The following KCNH7 variants were observed in gnomAD, a reference collection of about 807,000 sequenced individuals.
The protein encoded by KCNH7 is potassium voltage-gated channel subfamily H member 7.
A neutral mutation model predicts 120.8 loss-of-function variants in KCNH7; 49 were observed. That is an observed-to-expected ratio of 0.41 (90% confidence interval 0.32 to 0.51). The LOEUF (loss-of-function observed/expected upper bound fraction) is 0.51, where lower values mean the gene tolerates loss of function less well. KCNH7 is among the 20% of genes least tolerant of loss of function. The pLI, the probability that KCNH7 is intolerant of heterozygous loss-of-function variation, is 0.38. For missense variants in KCNH7, 1,097 were observed against 1,446.6 expected (o/e 0.76, Z 3.92); for synonymous variants, 547 against 516.1 (o/e 1.06, Z -0.81).
At position 162,420,982 on chromosome 2, in the gene KCNH7, C is replaced by T. The variant is rs190355788; in HGVS notation, c.2154+2354G>A. ...TCTCAATAGTCTAAGGCTACAGTTG[C>T]TTTTTCTCTAATCAACTTTGTTTCA... On this transcript the variant is annotated intron_variant, in intron 9 of 15. Transcript: ENST00000332142. Among the ~76,000 whole-genome samples, 192 of 152,034 alleles carry T rather than the reference C, an allele frequency of 1.3e-3. 1 individual carries two copies. Among genetic ancestry groups the T allele is most frequent in the African/African-American group, 4.3e-3 (179 of 41,466 alleles).
chr2:162,493,551 G>C (rs1690396938), intron 6 of KCNH7, among the ~76,000 whole-genome samples: 1 of 152,148 alleles, frequency 6.6e-6, no homozygotes, highest in Admixed American at 6.5e-5. Flanking sequence ...TTTGAGAACT[G>C]CTCAACTTGC....
chr2:162,384,755 G>T lies in KCNH7; in HGVS notation c.2895C>A (p.Leu965=). The change falls in exon 13 of 16, where the codon CTC becomes CTA. Residue 965 remains leucine, a synonymous_variant. Transcript: ENST00000332142. ...AGGTGGGCACTGTTTCTTCAAAATC[G>T]AGCCCAGATGCTTTCCCTATTCCTG... ...SSPGIGKASG[L]DFEETVPTSG... The T allele has an allele frequency of 1.2e-6, 2 of 1,612,666 alleles. No individual in the cohort carries two copies. Among genetic ancestry groups the T allele is most frequent in the South Asian group, 1.1e-5 (1 of 91,044 alleles).
In KCNH7 at chr2:162,396,975, G is replaced by T. The variant is rs145826763; in HGVS notation, c.2408-30C>A. The T allele has an allele frequency of 7.8e-4, 1,144 of 1,471,484 alleles. 8 individuals are homozygous for T. In the African/African-American group the frequency reaches 0.014, roughly 18 times the overall value. 91.2% of individuals were successfully genotyped at this position (1,471,484 alleles called of 1,614,324 possible). A position where few individuals can be genotyped will look rare whatever the true frequency, so the allele number is the denominator to read the frequency against. Reference sequence around the variant, plus strand: ...GAAAATATAAAGAAAAAGAGGCGGGGAAAGGGAATCCAAACTCAATGTTCT... The same window carrying T: ...GAAAATATAAAGAAAAAGAGGCGGGTAAAGGGAATCCAAACTCAATGTTCT... On this transcript the variant is annotated intron_variant, in intron 10 of 15. Coordinates refer to ENST00000332142, the MANE Select transcript of KCNH7 (RefSeq NM_033272.4).
chr2:162,734,722 G>A (rs1475109120), intron 2 of KCNH7, among the ~76,000 whole-genome samples: 2 of 151,522 alleles, frequency 1.3e-5, no homozygotes, highest in African/African-American at 4.9e-5. Flanking sequence ...TCAAAACCAT[G>A]GCTTTAAATA....
At chr2:162,750,279 C>CA (rs2105429284) in intron 2 of KCNH7, among the ~76,000 whole-genome samples, 1 of 151,214 alleles carries the variant, frequency 6.6e-6, no homozygotes, top group South Asian at 2.1e-4. Flanking sequence ...ACAGAAAGCA[C>CA]AGAGAAGGCC....
intron 9 of KCNH7, among the ~76,000 whole-genome samples, chr2:162,418,236 T>C (rs745931729): frequency 2.0e-5 from 3 of 152,206 alleles, no homozygotes; most frequent in Non-Finnish European, 4.4e-5. Context: ...TGGGTCATTA[T>C]CATTTAAATG....
At chr2:162,575,069 C>T (rs1693624153) in intron 2 of KCNH7, among the ~76,000 whole-genome samples, 1 of 152,094 alleles carries the variant, frequency 6.6e-6, no homozygotes, top group African/African-American at 2.4e-5. Context: ...GAATTCATAC[C>T]AGGTCTTGCC....
At chr2:162,828,868 C>A (rs1685379615) in intron 2 of KCNH7, among the ~76,000 whole-genome samples, 1 of 152,128 alleles carries the variant, frequency 6.6e-6, no homozygotes, top group Admixed American at 6.6e-5. Context: ...GCTGTTTTTA[C>A]CCATTTTCTG....
At chr2:162,493,868 G>A (rs939084158) in intron 6 of KCNH7, among the ~76,000 whole-genome samples, 2 of 152,102 alleles carry the variant, frequency 1.3e-5, no homozygotes, top group African/African-American at 2.4e-5. Context: ...AAAGCTGAAG[G>A]TTTAAACAAA....
At chr2:162,785,553 AT>A (rs35254894) in intron 2 of KCNH7, among the ~76,000 whole-genome samples, 81,154 of 151,064 alleles carry the variant, frequency 0.54, 24,899 homozygotes, top group Non-Finnish European at 0.7. Flanking sequence ...TCTTCACTGT[AT>A]TTTTTTTTTG....
rs1559113938 is a variant in KCNH7, at chr2:162,748,919, CCCTTTCCT to C, written c.307+87610_307+87617del. The stretch of plus-strand genomic sequence containing the variant: ...CTTTCCTTCCTTCCTTCCTTCCCTT[CCCTTTCCT>C]TTCCTTCCTTCCTTCCTTCCTTCCT... On this transcript the variant is annotated intron_variant, in intron 2 of 15. Transcript: ENST00000332142. Among the ~76,000 whole-genome samples, 249 of 43,606 alleles carry C rather than the reference CCCTTTCCT, an allele frequency of 5.7e-3. 21 individuals carry two copies. In the African/African-American group the frequency reaches 0.063, roughly 11 times the overall value. 28.6% of individuals were successfully genotyped at this position (43,606 alleles called of 152,430 possible). A position where few individuals can be genotyped will look rare whatever the true frequency, so the allele number is the denominator to read the frequency against.
At position 162,511,118 on chromosome 2, in the gene KCNH7, G is replaced by A. The variant is rs186458290; in HGVS notation, c.913+1536C>T. On this transcript the variant is annotated intron_variant, in intron 5 of 15. Coordinates refer to ENST00000332142, the MANE Select transcript of KCNH7 (RefSeq NM_033272.4). ...TAAATAAAGAATATCCGTGTTCAAA[G>A]ACTACTCCTATTAAAAATGAGAGAG... is the stretch of plus-strand genomic sequence containing the variant. 2.0e-3 allele frequency among the ~76,000 whole-genome samples: 302 copies of A among 151,668 alleles called. 1 individual carries two copies. The highest frequency in any genetic ancestry group is 6.8e-3 in the African/African-American group (283 of 41,448).
chr2:162,383,054 G>A (rs910232693), intron 13 of KCNH7, among the ~76,000 whole-genome samples: 24 of 151,878 alleles, frequency 1.6e-4, no homozygotes, highest in Admixed American at 6.6e-4. Flanking sequence ...ATTGGAAGGC[G>A]TAGCAAAGAA....
intron 2 of KCNH7, among the ~76,000 whole-genome samples, chr2:162,730,112 T>G (rs1468594205): frequency 6.6e-6 from 1 of 151,584 alleles, no homozygotes; most frequent in Non-Finnish European, 1.5e-5. Context: ...AACATTATAT[T>G]AGACATGGCC....
At chr2:162,715,303 C>G in intron 2 of KCNH7, among the ~76,000 whole-genome samples, 1 of 152,084 alleles carries the variant, frequency 6.6e-6, no homozygotes, top group East Asian at 1.9e-4. Flanking sequence ...GTGCCACACA[C>G]TTTTAAATGA....
intron 2 of KCNH7, among the ~76,000 whole-genome samples, chr2:162,548,491 A>G (rs1019767642): frequency 1.1e-4 from 16 of 152,094 alleles, no homozygotes; most frequent in African/African-American, 3.4e-4. Flanking sequence ...CTTGCTTAGT[A>G]CCTTTTCAAA....
In KCNH7 at chr2:162,400,368, C is replaced by G; in HGVS notation, c.2228G>C (p.Cys743Ser). The G allele has an allele frequency of 6.2e-7, 1 of 1,612,356 alleles. No homozygotes were observed. Among genetic ancestry groups the G allele is most frequent in the Non-Finnish European group, 8.5e-7 (1 of 1,178,950 alleles). ...LHLNQTLLQN[C>S]KAFRGASKGC... is the part of the protein sequence containing the mutation. Reference sequence around the variant, plus strand: ...TTTACTTGCCCCCCGAAAGGCTTTGCAGTTTTGCAGCAATGTCTGGTTGAG... The same window carrying G: ...TTTACTTGCCCCCCGAAAGGCTTTGGAGTTTTGCAGCAATGTCTGGTTGAG... The change falls in exon 10 of 16, where the codon TGC becomes TCC. Residue 743 changes from cysteine to serine, a missense_variant. By Grantham distance (112) the Cys-to-Ser change is moderately radical (BLOSUM62 -1). Coordinates refer to ENST00000332142, the MANE Select transcript of KCNH7 (RefSeq NM_033272.4).
At chr2:162,551,442 T>C (rs576357160) in intron 2 of KCNH7, among the ~76,000 whole-genome samples, 8 of 150,890 alleles carry the variant, frequency 5.3e-5, no homozygotes, top group South Asian at 2.1e-4. Context: ...CTAGCAAGAG[T>C]TGAAGTTCAG....
At chr2:162,720,202 C>A (rs567367746) in intron 2 of KCNH7, among the ~76,000 whole-genome samples, 8 of 150,382 alleles carry the variant, frequency 5.3e-5, no homozygotes, top group African/African-American at 1.7e-4. Flanking sequence ...AGATTTCTTT[C>A]TCTGTCAAGT....
Sources: gnomAD v4.1 joint callset for allele counts (sites outside exome capture counted in the v4.1 genomes callset) on GRCh38, gnomAD v4.1.1 for gene constraint, MANE v1.5 for transcripts, NCBI Gene and HGNC (gene_info 2026-07-23, HGNC 2026-07-21) for gene names.